The following DPF3 variants were observed in gnomAD, a reference collection of about 807,000 sequenced individuals.
DPF3 encodes the protein double PHD fingers 3, also known as zinc finger protein DPF3.
Under a neutral mutation model 56.8 loss-of-function variants are expected in DPF3, and 18 were observed. The observed-to-expected ratio is 0.32, with a 90% CI of 0.22 to 0.47. The LOEUF (loss-of-function observed/expected upper bound fraction) is 0.47. DPF3 is among the 20% of genes least tolerant of loss of function. The pLI is 1.00. For synonymous variants in DPF3, 188 were observed against 180.2 expected, an observed-to-expected ratio of 1.04 and a Z score of -0.35; for missense variants, 403 against 488.8, an observed-to-expected ratio of 0.82 and a Z score of 1.65.
At chr14:72,704,009 ACCCTCTTGGAAAC>A (rs2153574453) in intron 6 of DPF3, among the ~76,000 whole-genome samples, 1 of 152,310 alleles carries the variant, frequency 6.6e-6, no homozygotes, top group Admixed American at 6.5e-5. Flanking sequence ...TTCTCATTGA[ACCCTCTTGGAAAC>A]CCACTAAGGT....
intron 1 of DPF3, among the ~76,000 whole-genome samples, chr14:72,861,784 A>AAAGG (rs1885440790): frequency 8.1e-5 from 12 of 148,344 alleles, no homozygotes; most frequent in African/African-American, 2.3e-4. Flanking sequence ...AGAAAGAAAG[A>AAAGG]AAGAAAGAAA....
At chr14:72,802,363 GT>G (rs934606195) in intron 1 of DPF3, among the ~76,000 whole-genome samples, 1 of 152,188 alleles carries the variant, frequency 6.6e-6, no homozygotes, top group African/African-American at 2.4e-5. Context: ...TTGGGCTCCA[GT>G]TTGCTCATCT....
intron 4 of DPF3, among the ~76,000 whole-genome samples, chr14:72,727,346 G>A (rs939638375): frequency 2.0e-5 from 3 of 152,196 alleles, no homozygotes; most frequent in Admixed American, 6.5e-5. Flanking sequence ...GGGAGGCCGA[G>A]GCAGGCGGAT....
At chr14:72,632,194 G>A (rs569356241) in intron 8 of DPF3, among the ~76,000 whole-genome samples, 1 of 152,208 alleles carries the variant, frequency 6.6e-6, no homozygotes, top group South Asian at 2.1e-4. Context: ...GTTTTTAAAG[G>A]AGCACTCTTT....
chr14:72,860,273 C>T (rs914947377), intron 1 of DPF3, among the ~76,000 whole-genome samples: 2 of 152,226 alleles, frequency 1.3e-5, no homozygotes, highest in African/African-American at 2.4e-5. Flanking sequence ...ATGTCCACCT[C>T]CCAGGCTCAA....
chr14:72,715,624 C>CA (rs1272694237), intron 5 of DPF3, among the ~76,000 whole-genome samples: 3 of 151,920 alleles, frequency 2.0e-5, no homozygotes, highest in Non-Finnish European at 4.4e-5. Context: ...CTCTCACACA[C>CA]ACACTCACAC....
intron 8 of DPF3, among the ~76,000 whole-genome samples, chr14:72,639,689 G>T (rs1359158977): frequency 6.6e-6 from 1 of 152,120 alleles, no homozygotes; most frequent in Admixed American, 6.5e-5. Context: ...TGAGCCTTCA[G>T]ATGAGACCAC....
chr14:72,661,336 C>A (rs1886202751), intron 8 of DPF3: 1 of 985,288 alleles, frequency 1.0e-6, no homozygotes, highest in Admixed American at 6.1e-5. Flanking sequence ...CGGTGCCCAC[C>A]TGCCCTGCCC....
At chr14:72,629,972 T>C (rs772105725) in intron 8 of DPF3, among the ~76,000 whole-genome samples, 1 of 152,110 alleles carries the variant, frequency 6.6e-6, no homozygotes, top group Non-Finnish European at 1.5e-5. Flanking sequence ...TGAGACCATA[T>C]TCCCCAGCAG....
intron 8 of DPF3, among the ~76,000 whole-genome samples, chr14:72,653,981 C>T (rs1323210034): frequency 6.6e-6 from 1 of 152,182 alleles, no homozygotes; most frequent in African/African-American, 2.4e-5. Flanking sequence ...CCTATAACCA[C>T]GACAGGATCA....
At chr14:72,692,855 AG>A (rs1887749045) in intron 7 of DPF3, among the ~76,000 whole-genome samples, 1 of 152,170 alleles carries the variant, frequency 6.6e-6, no homozygotes. Flanking sequence ...GGAGCAGAGC[AG>A]GGTGTGTGAG....
At chr14:72,677,421 C>A (rs1460613240) in intron 7 of DPF3, among the ~76,000 whole-genome samples, 1 of 152,176 alleles carries the variant, frequency 6.6e-6, no homozygotes, top group African/African-American at 2.4e-5. Flanking sequence ...CCATGGAGCT[C>A]TCCCAAACTT....
At position 72,614,032 on chromosome 14, in the gene DPF3, G is replaced by C. The variant is rs899170005; in HGVS notation, c.*5265C>G. On this transcript the variant is annotated 3_prime_UTR_variant, in exon 11 of 11. Coordinates refer to ENST00000556509, the MANE Select transcript of DPF3 (RefSeq NM_001280542.3). Reference sequence around the variant, plus strand: ...ACCAGAGGGTCTCCAGCCTCCCTAGGAAGGGGTTCCCAGCTCTCCAAGACC... The same window carrying C: ...ACCAGAGGGTCTCCAGCCTCCCTAGCAAGGGGTTCCCAGCTCTCCAAGACC... Among the ~76,000 whole-genome samples the C allele has an allele frequency of 6.6e-6, 1 of 152,112 alleles. No individual in the cohort carries two copies. Among genetic ancestry groups the C allele is most frequent in the Non-Finnish European group, 1.5e-5 (1 of 68,014 alleles).
chr14:72,646,935 G>C lies in DPF3; in HGVS notation c.872-17199C>G, dbSNP rs891195025. On this transcript the variant is annotated intron_variant, in intron 8 of 10. Transcript: ENST00000556509. Reference sequence around the variant, plus strand: ...AATCTGCCTGTTTAGCTAGTGCCCTGAGGGGGCTCAGATGCAGATGGCCCT... The same window carrying C: ...AATCTGCCTGTTTAGCTAGTGCCCTCAGGGGGCTCAGATGCAGATGGCCCT... 2.0e-5 allele frequency among the ~76,000 whole-genome samples: 3 copies of C among 152,224 alleles called. No individual in the cohort carries two copies. In the South Asian group the frequency reaches 6.2e-4, roughly 32 times the overall value.
intron 1 of DPF3, among the ~76,000 whole-genome samples, chr14:72,793,364 T>C (rs959566481): frequency 3.9e-5 from 6 of 152,198 alleles, no homozygotes; most frequent in Non-Finnish European, 5.9e-5. Flanking sequence ...TTTCTCTTCA[T>C]TGTACAGCAT....
intron 8 of DPF3, among the ~76,000 whole-genome samples, chr14:72,667,771 C>T (rs1886501085): frequency 6.6e-6 from 1 of 152,138 alleles, no homozygotes; most frequent in African/African-American, 2.4e-5. Context: ...AATGACGTTA[C>T]CTTTTAAAAG....
intron 1 of DPF3, among the ~76,000 whole-genome samples, chr14:72,882,028 C>T (rs1035711843): frequency 6.6e-6 from 1 of 152,128 alleles, no homozygotes; most frequent in Admixed American, 6.6e-5. Context: ...TCTGATATCG[C>T]CCCCAAAGGC....
chr14:72,693,765 C>T (rs1399358032), intron 6 of DPF3, among the ~76,000 whole-genome samples: 1 of 152,208 alleles, frequency 6.6e-6, no homozygotes, highest in Admixed American at 6.5e-5. Context: ...CACCAGAACC[C>T]ATGTCTCCTG....
intron 1 of DPF3, among the ~76,000 whole-genome samples, chr14:72,848,154 T>A (rs901412629): frequency 6.6e-6 from 1 of 152,288 alleles, no homozygotes; most frequent in African/African-American, 2.4e-5. Context: ...TTAGCTTTTT[T>A]AATTTTTTTT....
Sources: allele counts gnomAD v4.1 joint callset (sites outside exome capture counted in the v4.1 genomes callset), GRCh38; gene constraint gnomAD v4.1.1; transcripts MANE v1.5; gene names NCBI Gene and HGNC (gene_info 2026-07-23, HGNC 2026-07-21).